The following TNNI3K variants were observed in gnomAD, a reference collection of about 807,000 sequenced individuals.
The protein encoded by TNNI3K is serine/threonine-protein kinase TNNI3K.
Under a neutral mutation model 114.5 loss-of-function variants are expected in TNNI3K, and 140 were observed. The ratio of observed to expected loss-of-function variants is 1.22; its 90% CI spans 1.07 to 1.41. The LOEUF is 1.41. TNNI3K is among the 40% of genes most tolerant of loss of function. TNNI3K has a pLI of 0.00. For missense variants in TNNI3K, 1,125 were observed against 1,007.6 expected, an observed-to-expected ratio of 1.12 and a Z score of -1.58; for synonymous variants, 347 against 347.5, an observed-to-expected ratio of 1.00 and a Z score of 0.02.
chr1:74,377,551 A>G lies in TNNI3K; in HGVS notation c.1772+7159A>G, dbSNP rs188255305. ...TGGTTTATGTAAGTACTATATATCC[A>G]TATAATACAGAATTATATGTAATAA... On this transcript the variant is annotated intron_variant, in intron 17 of 24. Transcript: ENST00000326637. Among the ~76,000 whole-genome samples the G allele has an allele frequency of 4.5e-3, 687 of 152,220 alleles. 6 individuals are homozygous for G. Among genetic ancestry groups the G allele is most frequent in the Non-Finnish European group, 7.8e-3 (527 of 67,982 alleles).
intron 2 of TNNI3K, chr1:74,240,703 T>C (rs189503277): frequency 6.6e-6 from 1 of 152,256 alleles, no homozygotes; most frequent in East Asian, 1.9e-4. Flanking sequence ...CAAGCCAAAT[T>C]TGTATCTGCT....
intron 4 of TNNI3K, among the ~76,000 whole-genome samples, chr1:74,257,260 C>G (rs988372798): frequency 6.6e-6 from 1 of 152,102 alleles, no homozygotes; most frequent in African/African-American, 2.4e-5. Flanking sequence ...TTCAATTTCT[C>G]TGCTATGATG....
chr1:74,472,188 G>A, intron 21 of TNNI3K: 2 of 716,812 alleles, frequency 2.8e-6, no homozygotes, highest in Non-Finnish European at 5.2e-6. Context: ...TTCTAAATAT[G>A]TCACTGCTGA....
rs541829291 is a variant in TNNI3K at position 74,381,983 on chromosome 1, A to G, written c.1772+11591A>G. Among the ~76,000 whole-genome samples, 10 of 152,358 alleles carry G rather than the reference A, an allele frequency of 6.6e-5. 1 individual carries two copies. The highest frequency in any genetic ancestry group is 2.2e-4 in the African/African-American group (9 of 41,598). On this transcript the variant is annotated intron_variant, in intron 17 of 24. Coordinates refer to ENST00000326637, the MANE Select transcript of TNNI3K (RefSeq NM_015978.3). ...GGCTCTATTTTTGCAGAGGATGTGT[A>G]TAGCACCTATGTGGTTAGGCACCTT...
chr1:74,444,148 G>A (rs967651146), intron 20 of TNNI3K, among the ~76,000 whole-genome samples: 1 of 152,186 alleles, frequency 6.6e-6, no homozygotes, highest in Non-Finnish European at 1.5e-5. Context: ...CGTGTTGGAA[G>A]TTCTGGCCAG....
At chr1:74,385,435 G>A (rs1663423044) in intron 17 of TNNI3K, among the ~76,000 whole-genome samples, 1 of 152,150 alleles carries the variant, frequency 6.6e-6, no homozygotes, top group African/African-American at 2.4e-5. Context: ...ATACAAAAAT[G>A]TGAAAATCTT....
chr1:74,456,177 G>A (rs1377243966), intron 20 of TNNI3K, among the ~76,000 whole-genome samples: 1 of 152,220 alleles, frequency 6.6e-6, no homozygotes, highest in Non-Finnish European at 1.5e-5. Flanking sequence ...AGAGAAAGGA[G>A]ATATTGGTTT....
At chr1:74,431,027 A>G (rs564499361) in intron 17 of TNNI3K, among the ~76,000 whole-genome samples, 1 of 152,270 alleles carries the variant, frequency 6.6e-6, no homozygotes, top group Non-Finnish European at 1.5e-5. Flanking sequence ...ACAAAAGTGC[A>G]TTTGCACTTA....
intron 17 of TNNI3K, among the ~76,000 whole-genome samples, chr1:74,377,717 G>T (rs1019806143): frequency 1.3e-5 from 2 of 151,758 alleles, no homozygotes; most frequent in Non-Finnish European, 2.9e-5. Context: ...TTCTGTTTCG[G>T]CTATCTGTGT....
intron 6 of TNNI3K, among the ~76,000 whole-genome samples, chr1:74,335,271 A>G (rs1179342616): frequency 6.6e-6 from 1 of 152,162 alleles, no homozygotes; most frequent in African/African-American, 2.4e-5. Context: ...GCTGATATAA[A>G]TCAGATTCTA....
chr1:74,538,277 T>C (rs993295204), intron 23 of TNNI3K, among the ~76,000 whole-genome samples: 5 of 152,264 alleles, frequency 3.3e-5, no homozygotes, highest in African/African-American at 1.2e-4. Context: ...GGACTTGGTA[T>C]ATCGGCTTGG....
At chr1:74,379,467 T>C (rs1197946126) in intron 17 of TNNI3K, among the ~76,000 whole-genome samples, 1 of 152,048 alleles carries the variant, frequency 6.6e-6, no homozygotes, top group African/African-American at 2.4e-5. Context: ...TTCTACAAAT[T>C]ACTCTAATCC....
At chr1:74,518,873 C>CTTTTTTTTTTT (rs1646388103) in intron 23 of TNNI3K, among the ~76,000 whole-genome samples, 27 of 100,354 alleles carry the variant, frequency 2.7e-4, no homozygotes, top group Non-Finnish European at 3.7e-4. Flanking sequence ...TTTTTTTTCC[C>CTTTTTTTTTTT]CTTTTTTTTT....
At chr1:74,270,278 G>A (rs1260697891) in intron 4 of TNNI3K, among the ~76,000 whole-genome samples, 1 of 151,596 alleles carries the variant, frequency 6.6e-6, no homozygotes, top group Non-Finnish European at 1.5e-5. Context: ...AAAGAAATGA[G>A]ACTGCAACTG....
chr1:74,484,468 T>C (rs976685568), intron 21 of TNNI3K, among the ~76,000 whole-genome samples: 5 of 152,128 alleles, frequency 3.3e-5, no homozygotes, highest in South Asian at 2.1e-4. Context: ...TAATATAAAA[T>C]ATGTATTAAG....
chr1:74,329,206 T>C (rs1245608762), intron 5 of TNNI3K, among the ~76,000 whole-genome samples: 1 of 152,074 alleles, frequency 6.6e-6, no homozygotes, highest in Non-Finnish European at 1.5e-5. Flanking sequence ...AGAGGTTCAG[T>C]TTCTTCATCT....
At chr1:74,301,128 G>A (rs1241495243) in intron 5 of TNNI3K, among the ~76,000 whole-genome samples, 2 of 152,116 alleles carry the variant, frequency 1.3e-5, no homozygotes, top group African/African-American at 2.4e-5. Context: ...GGCTGGGTGT[G>A]GTGGTTCATG....
At chr1:74,507,223 AC>A (rs36051033) in intron 23 of TNNI3K, among the ~76,000 whole-genome samples, 2,154 of 120,376 alleles carry the variant, frequency 0.018, 56 homozygotes, top group African/African-American at 0.04. Context: ...AAATTTCTTC[AC>A]CCCCCCCCCA....
At chr1:74,257,937 G>A (rs1263545735) in intron 4 of TNNI3K, among the ~76,000 whole-genome samples, 2 of 152,014 alleles carry the variant, frequency 1.3e-5, no homozygotes, top group Middle Eastern at 3.2e-3. Flanking sequence ...AAAGTGCTGG[G>A]ATTACAGGCG....
Sources: allele counts gnomAD v4.1 joint callset (sites outside exome capture counted in the v4.1 genomes callset), GRCh38; gene constraint gnomAD v4.1.1; transcripts MANE v1.5; gene names NCBI Gene and HGNC (gene_info 2026-07-23, HGNC 2026-07-21).